Variants in ADAMTS9 observed in about 807,000 individuals in gnomAD.
The protein encoded by ADAMTS9 is ADAM metallopeptidase with thrombospondin type 1 motif 9.
Under a neutral mutation model 257.1 loss-of-function variants are expected in ADAMTS9, and 107 were observed. The ratio of observed to expected loss-of-function variants is 0.42; its 90% CI spans 0.36 to 0.49. ADAMTS9 has a LOEUF of 0.49. ADAMTS9 is among the 20% of genes least tolerant of loss of function. The pLI is 0.03. For synonymous variants in ADAMTS9, 982 were observed against 880.9 expected, an observed-to-expected ratio of 1.11 and a Z score of -2.03; for missense variants, 2,353 against 2,469.1, an observed-to-expected ratio of 0.95 and a Z score of 1.00.
intron 3 of ADAMTS9, among the ~76,000 whole-genome samples, chr3:64,670,432 T>G (rs1467692614): frequency 2.0e-5 from 3 of 152,218 alleles, no homozygotes; most frequent in Admixed American, 6.5e-5. Flanking sequence ...TTCCATTTTT[T>G]GGGCAAGCTC....
chr3:64,658,420 C>T, intron 4 of ADAMTS9, 82 bp downstream of exon 4: 1 of 1,392,990 alleles, frequency 7.2e-7, no homozygotes, highest in South Asian at 1.4e-5. Flanking sequence ...TCTGAATGGT[C>T]CTCCAAAGCA....
rs560361178 is a variant in ADAMTS9, at chr3:64,611,673, C to T, written c.3354+1672G>A. Among the ~76,000 whole-genome samples the T allele has an allele frequency of 1.7e-4, 26 of 152,258 alleles. No individual in the cohort carries two copies. The East Asian group carries it at 3.9e-3, about 23-fold the overall frequency. On this transcript the variant is annotated intron_variant, in intron 22 of 39. Transcript: ENST00000498707. ...AACCTAGATCTCACAGTTCACAATA[C>T]GGTTTGCACTCCTGAGAATCCAATG...
intron 37 of ADAMTS9, among the ~76,000 whole-genome samples, chr3:64,535,548 TTTTC>T (rs1449226473): frequency 2.7e-5 from 3 of 110,290 alleles, no homozygotes; most frequent in African/African-American, 1.0e-4. Flanking sequence ...TTTTCTTTTC[TTTTC>T]TTTTTTTTTT....
chr3:64,679,381 T>C (rs377302050), intron 3 of ADAMTS9, among the ~76,000 whole-genome samples: 1 of 152,204 alleles, frequency 6.6e-6, no homozygotes, highest in African/African-American at 2.4e-5. Flanking sequence ...CTGTGAGATC[T>C]TGGGCAAACT....
Position 64,641,978 on chromosome 3 carries a change from A to T in ADAMTS9, c.1726T>A (p.Phe576Ile). 2 of 1,614,140 alleles carry T rather than the reference A, an allele frequency of 1.2e-6. No individual in the cohort carries two copies. Among genetic ancestry groups the T allele is most frequent in the South Asian group, 2.2e-5 (2 of 91,082 alleles). ...CEPGKHCKYGFCVPKEMDVPV... is the reference protein window; with the variant it reads ...CEPGKHCKYGICVPKEMDVPV... ...ACATCCATTTCTTTGGGAACACAAA[A>T]TCCATACTTGCAGTGCTGTATTTAA... Residue 576 changes from phenylalanine to isoleucine, a missense_variant, in exon 12 of 40, where the codon TTT becomes ATT. By Grantham distance (21) the Phe-to-Ile change is conservative. Around this residue, in one of 3 missense-constraint regions of ADAMTS9, gnomAD observed 360 missense variants for 458.1 expected, o/e 0.79. Coordinates refer to ENST00000498707, the MANE Select transcript of ADAMTS9 (RefSeq NM_182920.2).
chr3:64,631,604 A>T, intron 15 of ADAMTS9, 54 bp from the exon 16 acceptor site: 1 of 1,460,144 alleles, frequency 6.8e-7, no homozygotes, highest in Non-Finnish European at 9.6e-7. Flanking sequence ...CACTTTCTCT[A>T]AGTATGGAAT....
chr3:64,678,561 C>T (rs1701679896), intron 3 of ADAMTS9, among the ~76,000 whole-genome samples: 1 of 152,174 alleles, frequency 6.6e-6, no homozygotes, highest in African/African-American at 2.4e-5. Context: ...CAGAGTACTT[C>T]TAAAGGTCAC....
At chr3:64,637,192 A>G (rs1033562406) in intron 12 of ADAMTS9, among the ~76,000 whole-genome samples, 1 of 152,234 alleles carries the variant, frequency 6.6e-6, no homozygotes, top group Admixed American at 6.5e-5. Flanking sequence ...TACATGGACT[A>G]TGTAATAGAG....
chr3:64,530,549 A>AAC (rs1559748799), intron 38 of ADAMTS9, among the ~76,000 whole-genome samples: 1 of 147,376 alleles, frequency 6.8e-6, no homozygotes, highest in African/African-American at 2.5e-5. Flanking sequence ...AAAAAAAAAA[A>AAC]TGCCGACAGG....
At chr3:64,569,949 A>C (rs1363968612) in intron 28 of ADAMTS9, among the ~76,000 whole-genome samples, 1 of 152,200 alleles carries the variant, frequency 6.6e-6, no homozygotes, top group Non-Finnish European at 1.5e-5. Flanking sequence ...GATCTATATA[A>C]AGACTTTGCG....
At chr3:64,634,764 G>A (rs1378361772) in intron 12 of ADAMTS9, among the ~76,000 whole-genome samples, 1 of 152,120 alleles carries the variant, frequency 6.6e-6, no homozygotes, top group Admixed American at 6.5e-5. Flanking sequence ...GGACAACCCT[G>A]CAACTGAAAG....
intron 28 of ADAMTS9, among the ~76,000 whole-genome samples, chr3:64,573,279 T>C (rs6445413): frequency 0.6 from 91,395 of 151,824 alleles, 29,904 homozygotes; most frequent in African/African-American, 0.86. Flanking sequence ...TGATTCCCAT[T>C]CCCAAGTGGT....
intron 38 of ADAMTS9, among the ~76,000 whole-genome samples, chr3:64,525,084 T>C (rs931270246): frequency 7.2e-5 from 11 of 152,248 alleles, no homozygotes; most frequent in African/African-American, 2.7e-4. Flanking sequence ...TCTGTCTTCC[T>C]ACTGGAATGT....
At chr3:64,638,155 T>G (rs934223910) in intron 12 of ADAMTS9, among the ~76,000 whole-genome samples, 1 of 152,202 alleles carries the variant, frequency 6.6e-6, no homozygotes, top group African/African-American at 2.4e-5. Flanking sequence ...TTTTAACCTA[T>G]CTCCTAATTT....
intron 10 of ADAMTS9, among the ~76,000 whole-genome samples, chr3:64,648,533 C>T (rs1342244544): frequency 2.0e-5 from 3 of 152,176 alleles, no homozygotes; most frequent in Admixed American, 1.3e-4. Flanking sequence ...CTATATTTAG[C>T]TCTATTTCAG....
intron 3 of ADAMTS9, among the ~76,000 whole-genome samples, chr3:64,670,100 A>G (rs180958977): frequency 2.0e-5 from 3 of 149,110 alleles, no homozygotes; most frequent in East Asian, 3.9e-4. Flanking sequence ...TGAATCTCAT[A>G]CTATTAATAC....
At chr3:64,638,553 C>T (rs538787376) in intron 12 of ADAMTS9, among the ~76,000 whole-genome samples, 11 of 152,046 alleles carry the variant, frequency 7.2e-5, no homozygotes, top group Non-Finnish European at 1.3e-4. Flanking sequence ...TCCTTGTAAA[C>T]CAGAACTATG....
intron 38 of ADAMTS9, among the ~76,000 whole-genome samples, chr3:64,531,646 T>G (rs1045747624): frequency 3.9e-5 from 6 of 152,124 alleles, no homozygotes; most frequent in African/African-American, 9.7e-5. Flanking sequence ...TTTAAAGTTT[T>G]TGCAAAACCA....
chr3:64,631,825 A>C lies in ADAMTS9; in HGVS notation c.2276T>G (p.Phe759Cys). Residue 759 changes from phenylalanine to cysteine, a missense_variant, in exon 15 of 40, where the codon TTT becomes TGT. Physicochemically the swap from Phe to Cys is radical, Grantham distance 205. Transcript: ENST00000498707. Reference sequence around the variant, plus strand: ...ATTCTTACCATAATGTACTGTATTAAATGTTCCTGCCACTGTTTTGCATGA... The same window carrying C: ...ATTCTTACCATAATGTACTGTATTACATGTTCCTGCCACTGTTTTGCATGA... ...NSSCKTVAGTFNTVHYGYNTV... is the reference protein window; with the variant it reads ...NSSCKTVAGTCNTVHYGYNTV... 6 of 1,613,292 alleles carry C rather than the reference A, an allele frequency of 3.7e-6. No homozygotes were observed. Among genetic ancestry groups the C allele is most frequent in the Non-Finnish European group, 5.1e-6 (6 of 1,179,298 alleles).
Sources: allele counts gnomAD v4.1 joint callset (sites outside exome capture counted in the v4.1 genomes callset), GRCh38; gene constraint gnomAD v4.1.1; regional missense constraint gnomAD v4.1.1; transcripts MANE v1.5; gene names NCBI Gene and HGNC (gene_info 2026-07-23, HGNC 2026-07-21).